The following CDCA2 variants were observed in gnomAD, a reference collection of about 807,000 sequenced individuals.
CDCA2 encodes cell division cycle-associated protein 2.
CDCA2 carries 44 observed loss-of-function variants against 67.0 expected under a neutral mutation model. The ratio of observed to expected loss-of-function variants is 0.66; its 90% CI spans 0.52 to 0.84. The LOEUF (loss-of-function observed/expected upper bound fraction) is 0.84, where lower values mean the gene tolerates loss of function less well. CDCA2 is among the 40% of genes least tolerant of loss of function. CDCA2 has a pLI of 0.00. For missense variants in CDCA2, 1,253 were observed against 1,203.2 expected, an observed-to-expected ratio of 1.04 and a Z score of -0.61; for synonymous variants, 447 against 418.7, an observed-to-expected ratio of 1.07 and a Z score of -0.82.
intron 13 of CDCA2, among the ~76,000 whole-genome samples, chr8:25,499,818 C>A (rs1563283417): frequency 6.6e-6 from 1 of 152,318 alleles, no homozygotes; most frequent in South Asian, 2.1e-4. Context: ...TCCACCCTAA[C>A]CATTTATTGA....
intron 7 of CDCA2, among the ~76,000 whole-genome samples, chr8:25,470,766 CTT>C (rs34735007): frequency 3.4e-5 from 5 of 145,314 alleles, no homozygotes; most frequent in Admixed American, 6.9e-5. Flanking sequence ...CTTTGTTTTT[CTT>C]TTTTTTTTTT....
At chr8:25,488,495 A>C in intron 12 of CDCA2, 57 bp from the exon 13 acceptor site, 8 of 1,481,282 alleles carry the variant, frequency 5.4e-6, no homozygotes, top group Non-Finnish European at 7.2e-6. Flanking sequence ...TGAGAGCAGC[A>C]CATTAACATG....
intron 4 of CDCA2, among the ~76,000 whole-genome samples, chr8:25,463,907 T>G (rs928213933): frequency 1.4e-4 from 22 of 152,214 alleles, no homozygotes; most frequent in Non-Finnish European, 2.6e-4. Flanking sequence ...TTGGCCCTTG[T>G]TCTTGGAGAG....
intron 3 of CDCA2, among the ~76,000 whole-genome samples, chr8:25,460,792 T>C (rs956720225): frequency 6.6e-6 from 1 of 152,172 alleles, no homozygotes; most frequent in African/African-American, 2.4e-5. Flanking sequence ...TCGTGCTTGA[T>C]GCCAATACTA....
intron 7 of CDCA2, 59 bp downstream of exon 7, chr8:25,470,039 G>T: frequency 8.4e-7 from 1 of 1,196,306 alleles, no homozygotes; most frequent in Non-Finnish European, 1.2e-6. Context: ...TTTATGATTA[G>T]TGTACCTATT....
intron 11 of CDCA2, 136 bp from the exon 12 acceptor site, chr8:25,487,110 C>G: frequency 1.7e-6 from 1 of 583,344 alleles, no homozygotes; most frequent in Non-Finnish European, 3.0e-6. Context: ...TTCAAAATTT[C>G]TGCTGCTTGG....
At chr8:25,468,520 T>G in intron 6 of CDCA2, 107 bp downstream of exon 6, 1 of 673,672 alleles carries the variant, frequency 1.5e-6, no homozygotes, top group Non-Finnish European at 2.4e-6. Context: ...TGTTCTGCCC[T>G]GTGGTTCCTG....
At position 25,485,781 on chromosome 8, in the gene CDCA2, T is replaced by G; in HGVS notation, c.1388T>G (p.Val463Gly). The G allele has an allele frequency of 5.0e-6, 8 of 1,607,134 alleles. No individual in the cohort carries two copies. The highest frequency in any genetic ancestry group is 6.8e-6 in the Non-Finnish European group (8 of 1,176,046). ...ENLENIEPLQVSFAVLSSPNK... is the reference protein window; with the variant it reads ...ENLENIEPLQGSFAVLSSPNK... Reference sequence around the variant, plus strand: ...TAGGAAAACATAGAACCACTTCAAGTATCATTTGCCGTTCTCAGTTCTCCT... The same window carrying G: ...TAGGAAAACATAGAACCACTTCAAGGATCATTTGCCGTTCTCAGTTCTCCT... Residue 463 changes from valine (V) to glycine (G), a missense_variant, in exon 11 of 15, where the codon GTA (valine) becomes GGA (glycine). By Grantham distance (109) the Val-to-Gly change is moderately radical. Coordinates refer to ENST00000330560, the MANE Select transcript of CDCA2 (RefSeq NM_152562.4).
At chr8:25,494,667 A>G (rs59183094) in intron 13 of CDCA2, among the ~76,000 whole-genome samples, 6,390 of 152,322 alleles carry the variant, frequency 0.042, 174 homozygotes, top group South Asian at 0.1. Flanking sequence ...GTGGTCAACT[A>G]CTGGTTATGG....
intron 7 of CDCA2, among the ~76,000 whole-genome samples, chr8:25,478,748 C>T (rs983575858): frequency 5.9e-5 from 9 of 152,074 alleles, no homozygotes; most frequent in South Asian, 2.1e-4. Context: ...GTGTGGTTCG[C>T]CTTGTTCTTT....
chr8:25,498,884 A>G (rs753148688), intron 13 of CDCA2, among the ~76,000 whole-genome samples: 95 of 152,188 alleles, frequency 6.2e-4, no homozygotes, highest in Middle Eastern at 3.2e-3. Context: ...TGTTATGTGT[A>G]TCAGTAGTTC....
intron 5 of CDCA2, among the ~76,000 whole-genome samples, chr8:25,467,494 T>A (rs1054059408): frequency 6.6e-6 from 1 of 152,194 alleles, no homozygotes; most frequent in Non-Finnish European, 1.5e-5. Context: ...ACAGTTCCTT[T>A]TTTTTAGCTA....
intron 5 of CDCA2, 64 bp from the exon 6 acceptor site, chr8:25,468,153 A>G: frequency 1.4e-6 from 1 of 707,832 alleles, no homozygotes; most frequent in Non-Finnish European, 1.9e-6. Context: ...AAGAAAAAAA[A>G]TATATATAAT....
intron 13 of CDCA2, among the ~76,000 whole-genome samples, chr8:25,495,250 G>A (rs1804168065): frequency 6.6e-6 from 1 of 152,096 alleles, no homozygotes; most frequent in Non-Finnish European, 1.5e-5. Flanking sequence ...TTGATTGTGG[G>A]ACCATTTAAA....
chr8:25,464,550 C>T lies in CDCA2; in HGVS notation c.388-1625C>T, dbSNP rs187260457. ...AAAAAGCAGTACATTTTGAATGTTT[C>T]ATTTGCTTTGTATGTAAACATTGTT... On this transcript the variant is annotated intron_variant, in intron 4 of 14. Transcript: ENST00000330560. Among the ~76,000 whole-genome samples, 380 of 152,332 alleles carry T rather than the reference C, an allele frequency of 2.5e-3. 1 individual carries two copies. Among genetic ancestry groups the T allele is most frequent in the African/African-American group, 6.0e-3 (251 of 41,582 alleles).
intron 10 of CDCA2, among the ~76,000 whole-genome samples, chr8:25,485,516 T>G (rs1354379069): frequency 1.3e-5 from 2 of 152,198 alleles, no homozygotes; most frequent in African/African-American, 4.8e-5. Flanking sequence ...ATAAATTTTC[T>G]TAGTAGTTTG....
In CDCA2 at chr8:25,507,283, T is replaced by G. The variant is rs755907745; in HGVS notation, c.2617T>G (p.Leu873Val). 1.2e-6 allele frequency: 2 copies of G among 1,614,192 alleles called. No individual in the cohort carries two copies. The highest frequency in any genetic ancestry group is 1.1e-5 in the South Asian group (1 of 91,088). ...SLENSELFKDLSDAIEQTFQR... is the reference protein window; with the variant it reads ...SLENSELFKDVSDAIEQTFQR... ...AGAAAATTCTGAACTGTTTAAAGAT[T>G]TGTCTGATGCCATTGAGCAAACCTT... is the stretch of plus-strand genomic sequence containing the variant. Residue 873 changes from leucine (L) to valine (V), a missense_variant, in exon 15 of 15, where the codon TTG becomes GTG. Coordinates refer to ENST00000330560, the MANE Select transcript of CDCA2 (RefSeq NM_152562.4).
chr8:25,467,358 C>G (rs1418104050), intron 5 of CDCA2, among the ~76,000 whole-genome samples: 1 of 152,168 alleles, frequency 6.6e-6, no homozygotes, highest in African/African-American at 2.4e-5. Context: ...ACAAGTCCCC[C>G]TCATCTACCT....
chr8:25,468,530 G>A, intron 6 of CDCA2, 117 bp downstream of exon 6: 1 of 322,892 alleles, frequency 3.1e-6, no homozygotes, highest in South Asian at 3.4e-5. Context: ...TGTGGTTCCT[G>A]GGGTGTGTGT....
Sources: gnomAD v4.1 joint callset for allele counts (sites outside exome capture counted in the v4.1 genomes callset) on GRCh38, gnomAD v4.1.1 for gene constraint, MANE v1.5 for transcripts, NCBI Gene and HGNC (gene_info 2026-07-23, HGNC 2026-07-21) for gene names.